SH3BP2: variants seen among roughly 807,000 people sequenced by gnomAD.
SH3BP2 encodes the protein SH3 domain binding protein 2, also known as SH3 domain-binding protein 2.
A neutral mutation model predicts 56.2 loss-of-function variants in SH3BP2; 38 were observed. That is an observed-to-expected ratio of 0.68 (90% CI 0.52 to 0.89). SH3BP2 has a LOEUF of 0.89. Among genes scored for constraint, SH3BP2 ranks in the 40% least tolerant of loss-of-function variants. The probability of loss-of-function intolerance (pLI) is 0.00; values close to 1 mark genes in which losing one functional copy is unlikely to be tolerated. For missense variants in SH3BP2, 748 were observed against 762.6 expected (o/e 0.98, Z 0.23); for synonymous variants, 346 against 316.7 (o/e 1.09, Z -0.98).
chr4:2,800,237 G>A (rs1039003696), intron 1 of SH3BP2, among the ~76,000 whole-genome samples: 3 of 152,118 alleles, frequency 2.0e-5, no homozygotes, highest in Non-Finnish European at 4.4e-5. Context: ...GACTGTCCCC[G>A]GCTCAGTCTC....
At position 2,840,605 on chromosome 4, in the gene SH3BP2, A is replaced by G. The variant is rs1725389484; in HGVS notation, c.*6771A>G. On this transcript the variant is annotated 3_prime_UTR_variant, in exon 13 of 13. Coordinates refer to ENST00000503393, the MANE Select transcript of SH3BP2 (RefSeq NM_001122681.2). ...CTGTCTTCATTATTATCAATTATGT[A>G]TTGAGATCTGATAAAGTAAGTCTTT... The G allele has an allele frequency of 6.6e-6, 1 of 152,176 alleles. No homozygotes were observed. The highest frequency in any genetic ancestry group is 1.5e-5 in the Non-Finnish European group (1 of 68,034). 9.4% of individuals were successfully genotyped at this position (152,176 alleles called of 1,614,324 possible).
intron 1 of SH3BP2, among the ~76,000 whole-genome samples, chr4:2,801,833 C>A (rs972517725): frequency 1.3e-5 from 2 of 152,244 alleles, no homozygotes; most frequent in Non-Finnish European, 2.9e-5. Context: ...ATTAGCCAGG[C>A]GTGGTGGCTC....
chr4:2,798,364 A>G (rs948308225), intron 1 of SH3BP2, among the ~76,000 whole-genome samples: 1 of 152,202 alleles, frequency 6.6e-6, no homozygotes, highest in African/African-American at 2.4e-5. Flanking sequence ...GTCCAAGCAA[A>G]AGGCCGGATT....
chr4:2,827,380 G>C (rs748875242), intron 6 of SH3BP2, 62 bp downstream of exon 6: 44 of 1,453,342 alleles, frequency 3.0e-5, no homozygotes, highest in Non-Finnish European at 3.6e-5. Context: ...CCTCTTGGCC[G>C]CTGTGGAGGA....
chr4:2,825,655 C>T (rs757299818), intron 5 of SH3BP2, among the ~76,000 whole-genome samples: 4 of 152,252 alleles, frequency 2.6e-5, no homozygotes, highest in Non-Finnish European at 5.9e-5. Flanking sequence ...CTACCTCCAG[C>T]CCCATCTGTC....
At chr4:2,820,548 G>C (rs1483333733) in intron 1 of SH3BP2, 66 bp from the exon 2 acceptor site, 2 of 1,603,818 alleles carry the variant, frequency 1.2e-6, no homozygotes, top group Non-Finnish European at 8.5e-7. Flanking sequence ...GTCCCCCTGA[G>C]CGCCCTGGCT....
chr4:2,840,807 C>A lies in SH3BP2; in HGVS notation c.*6973C>A, dbSNP rs1725398932. On this transcript the variant is annotated 3_prime_UTR_variant, in exon 13 of 13. Transcript: ENST00000503393. ...CAATCAGTTTTGGGAAAATTGACGT[C>A]TTTACAATATTGAGTTTTCTGATTC... is the stretch of plus-strand genomic sequence containing the variant. The A allele has an allele frequency of 6.6e-6, 1 of 152,120 alleles. No individual in the cohort carries two copies. The highest frequency in any genetic ancestry group is 6.6e-5 in the Admixed American group (1 of 15,264). 9.4% of individuals were successfully genotyped at this position (152,120 alleles called of 1,614,324 possible). A position where few individuals can be genotyped will look rare whatever the true frequency, so the allele number is the denominator to read the frequency against.
intron 1 of SH3BP2, chr4:2,818,184 AG>A: frequency 1.0e-6 from 1 of 983,488 alleles, no homozygotes; most frequent in Non-Finnish European, 1.2e-6. Flanking sequence ...CCCCGCCGAG[AG>A]GGGAGGAGCC....
chr4:2,826,471 CGCGTGTTGCTGTTTGTGTGTGCATGTCT>C, intron 5 of SH3BP2: 1 of 156,346 alleles, frequency 6.4e-6, no homozygotes, highest in Non-Finnish European at 1.2e-5. Flanking sequence ...TGTGCATGTC[CGCGTGTTGCTGTTTGTGTGTGCATGTCT>C]GCGTGTTGCT....
chr4:2,831,653 G>T lies in SH3BP2; in HGVS notation c.1324G>T (p.Asp442Tyr), dbSNP rs1318717088. ...RQPSQADTGG[D>Y]DSDEDYEKVP... ...ACCCTCACAGGCTGACACTGGCGGG[G>T]ACGACTCGGACGAGGACTATGAGAA... Residue 442 changes from aspartate (D) to tyrosine (Y), a missense_variant, in exon 9 of 13, where the codon GAC becomes TAC. Physicochemically the swap from Asp to Tyr is radical, Grantham distance 160 (BLOSUM62 -3). Around this residue, in one of 3 missense-constraint regions of SH3BP2, gnomAD observed 635 missense variants for 615.0 expected, o/e 1.03. Coordinates refer to ENST00000503393, the MANE Select transcript of SH3BP2 (RefSeq NM_001122681.2). This position sits in a 1 kb window ranked among gnomAD's most constrained non-coding sequence, Gnocchi z 4.1. 2 of 1,591,958 alleles carry T rather than the reference G, an allele frequency of 1.3e-6. No homozygotes were observed. The highest frequency in any genetic ancestry group is 4.6e-5 in the East Asian group (2 of 43,574).
At chr4:2,800,949 C>G (rs552571017) in intron 1 of SH3BP2, among the ~76,000 whole-genome samples, 23 of 151,318 alleles carry the variant, frequency 1.5e-4, no homozygotes, top group Admixed American at 3.3e-4. Context: ...TGAGAGCCAC[C>G]TCTGCTGAGG....
chr4:2,818,196 G>C (rs1407396363), intron 1 of SH3BP2: 13 of 987,678 alleles, frequency 1.3e-5, no homozygotes, highest in Non-Finnish European at 1.6e-5. Context: ...GGGAGGAGCC[G>C]GCGGCTGCCA....
intron 1 of SH3BP2, chr4:2,809,893 A>G: frequency 1.2e-6 from 1 of 859,626 alleles, no homozygotes; most frequent in Non-Finnish European, 1.4e-6. Context: ...GCACCAGCTC[A>G]GGGGCAGGGG....
chr4:2,812,043 C>A (rs1723770520), intron 1 of SH3BP2: 1 of 602,822 alleles, frequency 1.7e-6, no homozygotes, highest in East Asian at 5.3e-5. Flanking sequence ...GGAGCTTCCT[C>A]CCAGGGATGC....
intron 1 of SH3BP2, chr4:2,812,395 C>T (rs1030662331): frequency 2.5e-5 from 39 of 1,550,050 alleles, no homozygotes; most frequent in East Asian, 4.9e-5. Flanking sequence ...GCCCCTGAGC[C>T]GCATGGCCTC....
chr4:2,814,835 A>T (rs922596383), intron 1 of SH3BP2: 1 of 152,086 alleles, frequency 6.6e-6, no homozygotes, highest in African/African-American at 2.4e-5. Flanking sequence ...AACTCAGCCG[A>T]CACCGCAGCA....
chr4:2,812,137 A>T, intron 1 of SH3BP2: 1 of 1,396,260 alleles, frequency 7.2e-7, no homozygotes. Context: ...AGGAGTTAAA[A>T]CCCGGATGGT....
chr4:2,816,727 G>A (rs1577351027), intron 1 of SH3BP2, among the ~76,000 whole-genome samples: 1 of 152,122 alleles, frequency 6.6e-6, no homozygotes, highest in African/African-American at 2.4e-5. Flanking sequence ...TATTGATATG[G>A]TGTATTACAT....
At chr4:2,811,500 C>T (rs891645501) in intron 1 of SH3BP2, among the ~76,000 whole-genome samples, 2 of 152,210 alleles carry the variant, frequency 1.3e-5, no homozygotes, top group Admixed American at 6.5e-5. Flanking sequence ...CAGCCAGTGG[C>T]TAGAATCCCC....
Sources: allele counts gnomAD v4.1 joint callset (sites outside exome capture counted in the v4.1 genomes callset), GRCh38; gene constraint gnomAD v4.1.1; regional missense constraint gnomAD v4.1.1; non-coding constraint Gnocchi (gnomAD v3.1); transcripts MANE v1.5; gene names NCBI Gene and HGNC (gene_info 2026-07-23, HGNC 2026-07-21).